CCNH: variants seen among roughly 807,000 people sequenced by gnomAD.
The protein encoded by CCNH is cyclin-H.
A neutral mutation model predicts 41.9 loss-of-function variants in CCNH; 31 were observed. That is an observed-to-expected ratio of 0.74 (90% CI 0.56 to 1.00). CCNH has a LOEUF of 1.00. Among genes scored for constraint, CCNH ranks in the 50% least tolerant of loss-of-function variants. The pLI, the probability that CCNH is intolerant of heterozygous loss-of-function variation, is 0.00. For synonymous variants in CCNH, 138 were observed against 136.1 expected, an observed-to-expected ratio of 1.01 and a Z score of -0.10; for missense variants, 362 against 388.4, an observed-to-expected ratio of 0.93 and a Z score of 0.57.
chr5:87,382,235 G>A (rs1761769699), intron 9 of CCNH, among the ~76,000 whole-genome samples: 1 of 152,176 alleles, frequency 6.6e-6, no homozygotes, highest in Non-Finnish European at 1.5e-5. Flanking sequence ...ACAGGCATGA[G>A]CCACCATGCC....
At chr5:87,370,027 T>A (rs1580371110) in intron 9 of CCNH, 1 of 822,978 alleles carries the variant, frequency 1.2e-6, no homozygotes, top group Non-Finnish European at 2.0e-6. Context: ...TCATCTCTTA[T>A]TTTAAGGAAT....
chr5:87,367,098 A>AT (rs200051325), intron 9 of CCNH, among the ~76,000 whole-genome samples: 8 of 152,100 alleles, frequency 5.3e-5, no homozygotes, highest in South Asian at 2.1e-4. Context: ...ATTATTAACT[A>AT]TTTTTTTTAA....
chr5:87,324,015 T>G (rs1757025054), intron 9 of CCNH, among the ~76,000 whole-genome samples: 2 of 152,188 alleles, frequency 1.3e-5, no homozygotes, highest in African/African-American at 4.8e-5. Context: ...TATTCTACCA[T>G]GTAGCACAAT....
chr5:87,402,852 A>G (rs894547374), intron 5 of CCNH, among the ~76,000 whole-genome samples: 1 of 152,102 alleles, frequency 6.6e-6, no homozygotes, highest in East Asian at 1.9e-4. Context: ...TTTCTTAAGC[A>G]TAAGGGTCAT....
At chr5:87,375,057 T>C (rs2112487447), downstream of CCNH, 3 of 1,164,238 alleles carry the variant, frequency 2.6e-6, no homozygotes, top group Non-Finnish European at 3.5e-6. Context: ...TCTGTACTTC[T>C]TAAAGTATTG....
At position 87,396,067 on chromosome 5, in the gene CCNH, C is replaced by T. The variant is rs188477501; in HGVS notation, c.873-963G>A. Among the ~76,000 whole-genome samples the T allele has an allele frequency of 2.5e-3, 383 of 150,534 alleles. 1 individual carries two copies. The highest frequency in any genetic ancestry group is 8.7e-3 in the African/African-American group (358 of 40,938). On this transcript the variant is annotated intron_variant, in intron 7 of 8. Transcript: ENST00000256897. ...AATAAGGAAAAAAATTCTATCTGTA[C>T]TGAACATGTACAGAATTTTTTCTTA... is the stretch of plus-strand genomic sequence containing the variant.
chr5:87,367,820 C>T (rs1172632755), intron 9 of CCNH, among the ~76,000 whole-genome samples: 1 of 152,130 alleles, frequency 6.6e-6, no homozygotes, highest in East Asian at 1.9e-4. Flanking sequence ...TGCCTTCCAA[C>T]ATTTTCGTTG....
chr5:87,318,579 A>G (rs1266348215), exon 10 of CCNH: 1 of 152,242 alleles, frequency 6.6e-6, no homozygotes. Flanking sequence ...GGAATGTGCC[A>G]CACACTTTTA....
At chr5:87,340,295 C>T (rs976841150) in intron 9 of CCNH, among the ~76,000 whole-genome samples, 1 of 152,076 alleles carries the variant, frequency 6.6e-6, no homozygotes, top group Non-Finnish European at 1.5e-5. Context: ...TCTGTATTTC[C>T]ATAGCACCTT....
chr5:87,331,144 G>C, intron 9 of CCNH: 1 of 877,410 alleles, frequency 1.1e-6, no homozygotes, highest in Non-Finnish European at 1.8e-6. Flanking sequence ...TGAGCTTTTA[G>C]AACAAATTAA....
chr5:87,319,465 T>C (rs1027494346), intron 9 of CCNH, among the ~76,000 whole-genome samples: 4 of 152,066 alleles, frequency 2.6e-5, no homozygotes, highest in Non-Finnish European at 5.9e-5. Flanking sequence ...ACCTCTTCTC[T>C]TGCCTTTTGT....
chr5:87,385,221 T>A (rs552588603), intron 9 of CCNH: 1 of 920,950 alleles, frequency 1.1e-6, no homozygotes, highest in African/African-American at 1.6e-5. Flanking sequence ...TAAAGAAATA[T>A]TAAAGTGCTA....
chr5:87,333,766 T>C (rs1227040009), intron 9 of CCNH, among the ~76,000 whole-genome samples: 1 of 152,184 alleles, frequency 6.6e-6, no homozygotes, highest in Non-Finnish European at 1.5e-5. Flanking sequence ...TTCTATATAA[T>C]TATATAATTT....
intron 9 of CCNH, chr5:87,383,667 TAG>T: frequency 7.2e-7 from 1 of 1,379,714 alleles, no homozygotes; most frequent in Non-Finnish European, 1.0e-6. Context: ...ACACATTATA[TAG>T]GTGTTTTCTA....
At chr5:87,368,768 GA>G (rs1760716437) in intron 9 of CCNH, among the ~76,000 whole-genome samples, 1 of 152,166 alleles carries the variant, frequency 6.6e-6, no homozygotes, top group African/African-American at 2.4e-5. Flanking sequence ...GCCAGCTTAG[GA>G]ACTGGCAACT....
chr5:87,351,850 C>T (rs1017577719), intron 9 of CCNH, among the ~76,000 whole-genome samples: 31 of 151,848 alleles, frequency 2.0e-4, no homozygotes, highest in African/African-American at 5.8e-4. Flanking sequence ...TTCCTGTTCT[C>T]TCAGTTTATG....
At chr5:87,325,388 AT>A (rs1757157640) in intron 9 of CCNH, among the ~76,000 whole-genome samples, 1 of 152,262 alleles carries the variant, frequency 6.6e-6, no homozygotes, top group African/African-American at 2.4e-5. Flanking sequence ...TTTGTTACAA[AT>A]AAATATGGGA....
At position 87,409,273 on chromosome 5, in the gene CCNH, TA is replaced by T; in HGVS notation, c.314+16del. Reference sequence around the variant, plus strand: ...GTCTTCTTAAATGAAAACAATATATTAGACAGACATACTCACATTATTATCC... The same window carrying T: ...GTCTTCTTAAATGAAAACAATATATTGACAGACATACTCACATTATTATCC... On this transcript the variant is annotated intron_variant, in intron 3 of 8. Coordinates refer to ENST00000256897, the MANE Select transcript of CCNH (RefSeq NM_001239.4). 7.3e-7 allele frequency: 1 copy of T among 1,375,732 alleles called. No homozygotes were observed. Among genetic ancestry groups the T allele is most frequent in the South Asian group, 1.2e-5 (1 of 81,462 alleles). 85.2% of individuals were successfully genotyped at this position (1,375,732 alleles called of 1,614,324 possible).
Position 87,412,301 on chromosome 5 carries a change from T to C in CCNH, c.117+377A>G, listed in dbSNP as rs555519324. 31 of 581,956 alleles carry C rather than the reference T, an allele frequency of 5.3e-5. No individual in the cohort carries two copies. The South Asian group carries it at 1.3e-3, about 24-fold the overall frequency. 36.0% of individuals were successfully genotyped at this position (581,956 alleles called of 1,614,324 possible). A position where few individuals can be genotyped will look rare whatever the true frequency, so the allele number is the denominator to read the frequency against. ...GTAACTTCTGACCTCCCTCCCACTC[T>C]GAACGGTGGTTCTGACTGCCTGGAA... On this transcript the variant is annotated intron_variant, in intron 1 of 8. Transcript: ENST00000256897.
Sources: allele counts gnomAD v4.1 joint callset (sites outside exome capture counted in the v4.1 genomes callset), GRCh38; gene constraint gnomAD v4.1.1; transcripts MANE v1.5; gene names NCBI Gene and HGNC (gene_info 2026-07-23, HGNC 2026-07-21).